The following FBLN2 variants were observed in gnomAD, a reference collection of about 807,000 sequenced individuals.
FBLN2 encodes fibulin 2.
Under a neutral mutation model 123.7 loss-of-function variants are expected in FBLN2, and 81 were observed. That is an observed-to-expected ratio of 0.65 (90% confidence interval 0.55 to 0.79). FBLN2 has a LOEUF of 0.79. Among genes scored for constraint, FBLN2 ranks in the 30% least tolerant of loss-of-function variants. The pLI is 0.00. For missense variants in FBLN2, 1,603 were observed against 1,681.3 expected, an observed-to-expected ratio of 0.95 and a Z score of 0.81; for synonymous variants, 699 against 701.4, an observed-to-expected ratio of 1.00 and a Z score of 0.05.
chr3:13,558,784 T>TCCCCCCCCCCCCCCCCCCCCCCCCC (rs1703531207), intron 1 of FBLN2, among the ~76,000 whole-genome samples: 1 of 135,280 alleles, frequency 7.4e-6, no homozygotes, highest in Non-Finnish European at 1.6e-5. Context: ...CATCCACCCA[T>TCCCCCCCCCCCCCCCCCCCCCCCCC]CCACCCACCC....
At chr3:13,628,056 G>A in intron 11 of FBLN2, 87 bp downstream of exon 11, 2 of 1,495,298 alleles carry the variant, frequency 1.3e-6, no homozygotes, top group Non-Finnish European at 9.0e-7. Flanking sequence ...AGAGACCAGG[G>A]AGGCCTGGCT....
At chr3:13,568,698 A>G in intron 1 of FBLN2, 1 of 903,638 alleles carries the variant, frequency 1.1e-6, no homozygotes, top group Non-Finnish European at 1.3e-6. Flanking sequence ...CCGGACTGAC[A>G]CGGGCTCCCC....
chr3:13,610,947 A>G (rs1268572070), intron 4 of FBLN2, among the ~76,000 whole-genome samples: 1 of 143,646 alleles, frequency 7.0e-6, no homozygotes, highest in African/African-American at 2.7e-5. Context: ...AGTCTCTGTC[A>G]CCCAGGCTGG....
chr3:13,550,530 C>G (rs997944634), intron 1 of FBLN2, among the ~76,000 whole-genome samples: 5 of 152,208 alleles, frequency 3.3e-5, no homozygotes, highest in African/African-American at 1.2e-4. Context: ...CCCTGATGCC[C>G]CTGAGATGCT....
chr3:13,570,430 C>T lies in FBLN2; in HGVS notation c.75C>T (p.Ala25=), dbSNP rs751401986. The T allele has an allele frequency of 2.0e-5, 32 of 1,573,110 alleles. No individual in the cohort carries two copies. Among genetic ancestry groups the T allele is most frequent in the African/African-American group, 1.5e-4 (11 of 74,178 alleles). Residue 25 remains alanine, a synonymous_variant, in exon 2 of 18, where the codon GCC becomes GCT. Transcript: ENST00000404922. The part of the protein sequence containing the change: ...GLALALGPSV[A]AAAPRQDCTG... ...CCCTGGCCCTGGGCCCCAGCGTGGCCGCAGCTGCCCCTCGGCAGGACTGCA... is the reference window on the plus strand; with the variant it reads ...CCCTGGCCCTGGGCCCCAGCGTGGCTGCAGCTGCCCCTCGGCAGGACTGCA...
Position 13,636,508 on chromosome 3 carries a change from A to T in FBLN2, c.3278A>T (p.Gln1093Leu), listed in dbSNP as rs764832136. The T allele has an allele frequency of 1.3e-5, 21 of 1,613,776 alleles. No individual in the cohort carries two copies. In the South Asian group the frequency reaches 2.0e-4, roughly 15 times the overall value. Residue 1093 changes from glutamine (Q) to leucine (L), a missense_variant, in exon 17 of 18, where the codon CAG (glutamine) becomes CTG (leucine). Gln to Leu is a moderately radical substitution (Grantham distance 113). Coordinates refer to ENST00000404922, the MANE Select transcript of FBLN2 (RefSeq NM_001004019.2). ...GAGGCTGAGACCTGCCACAACATCC[A>T]GGGTAGCTTCCGCTGCCTGCGCTTC... ...CSEAETCHNI[Q>L]GSFRCLRFEC... is the part of the protein sequence containing the mutation.
At chr3:13,586,291 TCTC>T (rs1220949173) in intron 2 of FBLN2, among the ~76,000 whole-genome samples, 4 of 151,984 alleles carry the variant, frequency 2.6e-5, no homozygotes, top group African/African-American at 9.7e-5. Flanking sequence ...TTCAAGCTAT[TCTC>T]CTGCTTCAGC....
At chr3:13,586,160 T>A (rs1704490846) in intron 2 of FBLN2, among the ~76,000 whole-genome samples, 1 of 152,056 alleles carries the variant, frequency 6.6e-6, no homozygotes, top group Non-Finnish European at 1.5e-5. Flanking sequence ...GGCTAGTGTG[T>A]GTGTTTATGT....
At chr3:13,580,720 T>G (rs999107113) in intron 2 of FBLN2, among the ~76,000 whole-genome samples, 10 of 152,232 alleles carry the variant, frequency 6.6e-5, no homozygotes, top group African/African-American at 2.4e-4. Context: ...CCATTCTCGC[T>G]AAACCAATGT....
chr3:13,578,968 T>C (rs1440875885), intron 2 of FBLN2, among the ~76,000 whole-genome samples: 5 of 152,182 alleles, frequency 3.3e-5, no homozygotes, highest in Non-Finnish European at 5.9e-5. Flanking sequence ...GGCAGGAGAA[T>C]CGCTTGAACC....
rs199591255 is a variant in FBLN2, at chr3:13,594,079, TG to T, written c.1307-13982del. ...CATTTTCCCAGTTCTTTTCTGTGGT[TG>T]TCTCTTTAGATTTTGGAGCCATTAT... On this transcript the variant is annotated intron_variant, in intron 2 of 17. Coordinates refer to ENST00000404922, the MANE Select transcript of FBLN2 (RefSeq NM_001004019.2). Among the ~76,000 whole-genome samples the T allele has an allele frequency of 2.9e-3, 437 of 152,362 alleles. 5 individuals carry two copies. The highest frequency in any genetic ancestry group is 1.0e-2 in the African/African-American group (415 of 41,582).
At chr3:13,581,339 C>G (rs1559407224) in intron 2 of FBLN2, among the ~76,000 whole-genome samples, 2 of 152,084 alleles carry the variant, frequency 1.3e-5, no homozygotes, top group Non-Finnish European at 2.9e-5. Context: ...TGAAACAAAC[C>G]AATGCAAAGT....
chr3:13,619,025 G>A lies in FBLN2; in HGVS notation c.2053+8G>A, dbSNP rs998031257. The A allele has an allele frequency of 3.1e-6, 5 of 1,598,200 alleles. No individual in the cohort carries two copies. The Admixed American group carries it at 5.2e-5, about 17-fold the overall frequency. ...AGCCCAATACCTGCAAAGGTAAGCA[G>A]TGTGGGTGGTGTCTCCAGGACAGGG... On this transcript the variant is annotated splice_region_variant and intron_variant, in intron 7 of 17. Transcript: ENST00000404922.
chr3:13,637,862 C>T lies in FBLN2; in HGVS notation c.3639C>T (p.Gly1213=). The T allele has an allele frequency of 5.0e-6, 8 of 1,611,152 alleles. No individual in the cohort carries two copies. The highest frequency in any genetic ancestry group is 6.8e-6 in the Non-Finnish European group (8 of 1,177,948). Residue 1213 remains glycine (G), a synonymous_variant, in exon 18 of 18, where the codon GGC becomes GGT. Transcript: ENST00000404922. ...TGGAGATGAAGCTCTGGAGGCAGGG[C>T]TCCGTCACCACCTTCCTGGCCAAGA... The part of the protein sequence containing the change: ...LDVEMKLWRQ[G]SVTTFLAKMH...
intron 11 of FBLN2, among the ~76,000 whole-genome samples, chr3:13,628,247 T>C (rs1242873586): frequency 6.6e-6 from 1 of 152,218 alleles, no homozygotes; most frequent in Non-Finnish European, 1.5e-5. Flanking sequence ...TTGGACTGGA[T>C]ACGAATGAGT....
At chr3:13,603,189 G>C (rs1174846569) in intron 2 of FBLN2, among the ~76,000 whole-genome samples, 1 of 151,322 alleles carries the variant, frequency 6.6e-6, no homozygotes, top group East Asian at 1.9e-4. Flanking sequence ...GGGATTACAG[G>C]TGTGAGCCAC....
At chr3:13,626,112 A>G (rs1248750447) in intron 9 of FBLN2, among the ~76,000 whole-genome samples, 1 of 151,998 alleles carries the variant, frequency 6.6e-6, no homozygotes, top group East Asian at 1.9e-4. Flanking sequence ...TTTTATCCAT[A>G]GCACTCATCA....
intron 2 of FBLN2, among the ~76,000 whole-genome samples, chr3:13,603,601 G>A (rs1244372621): frequency 6.6e-6 from 1 of 152,148 alleles, no homozygotes; most frequent in Non-Finnish European, 1.5e-5. Context: ...AGTCCCTGGT[G>A]TATATGTGCC....
intron 1 of FBLN2, among the ~76,000 whole-genome samples, chr3:13,553,481 C>T (rs1445963725): frequency 6.6e-6 from 1 of 152,158 alleles, no homozygotes; most frequent in African/African-American, 2.4e-5. Context: ...GAGCTGCCCT[C>T]GTGTACGGGG....
Sources: allele counts gnomAD v4.1 joint callset (sites outside exome capture counted in the v4.1 genomes callset), GRCh38; gene constraint gnomAD v4.1.1; transcripts MANE v1.5; gene names NCBI Gene and HGNC (gene_info 2026-07-23, HGNC 2026-07-21).